PCDH15: variants seen among roughly 807,000 people sequenced by gnomAD.
The protein encoded by PCDH15 is protocadherin-15.
PCDH15 carries 129 observed loss-of-function variants against 178.5 expected under a neutral mutation model. The ratio of observed to expected loss-of-function variants is 0.72; its 90% CI spans 0.63 to 0.84. The LOEUF (loss-of-function observed/expected upper bound fraction) is 0.84. Ranked by LOEUF, PCDH15 falls within the 40% of genes least tolerant of loss-of-function variation. The probability of loss-of-function intolerance (pLI) is 0.00; values close to 1 mark genes in which losing one functional copy is unlikely to be tolerated. For missense variants in PCDH15, 2,230 were observed against 2,099.9 expected (o/e 1.06, Z -1.21); for synonymous variants, 800 against 732.0 (o/e 1.09, Z -1.50).
intron 10 of PCDH15, among the ~76,000 whole-genome samples, chr10:54,199,354 G>T (rs4504975): frequency 0.27 from 41,466 of 151,758 alleles, 6,371 homozygotes; most frequent in Non-Finnish European, 0.36. Context: ...GGCCACATAG[G>T]CTGTAAGTTA....
In PCDH15 at chr10:54,555,760, GAAAAGAA is replaced by G. The variant is rs1484991946; in HGVS notation, c.92-27890_92-27884del. 1.4e-3 allele frequency among the ~76,000 whole-genome samples: 197 copies of G among 137,958 alleles called. 3 individuals carry two copies. The highest frequency in any genetic ancestry group is 7.8e-4 in the Non-Finnish European group (49 of 62,966). The allele number at this position is 137,958 out of a possible 152,430, so 90.5% of individuals were successfully genotyped here. On this transcript the variant is annotated intron_variant, in intron 2 of 37. Coordinates refer to ENST00000644397, the MANE Select transcript of PCDH15 (RefSeq NM_001384140.1). The stretch of plus-strand genomic sequence containing the variant: ...TCAAAAAAAAAAAAAAAAAAGAAAA[GAAAAGAA>G]AAAAGAAAAAGGAAAAAAAAGAATC...
chr10:54,091,157 C>T (rs2094594587), intron 15 of PCDH15, among the ~76,000 whole-genome samples: 1 of 152,108 alleles, frequency 6.6e-6, no homozygotes, highest in Admixed American at 6.6e-5. Flanking sequence ...TCATTCGATC[C>T]TCTTATAAAA....
chr10:54,267,353 A>C (rs1252837528), intron 8 of PCDH15, among the ~76,000 whole-genome samples: 1 of 151,858 alleles, frequency 6.6e-6, no homozygotes, highest in Non-Finnish European at 1.5e-5. Flanking sequence ...AATTCTCATA[A>C]GAACAAGAAC....
chr10:53,856,752 G>A (rs942364886), intron 28 of PCDH15, among the ~76,000 whole-genome samples: 1 of 151,582 alleles, frequency 6.6e-6, no homozygotes, highest in Non-Finnish European at 1.5e-5. Context: ...ATTAGACTTT[G>A]AGAAAACAGT....
Position 54,023,094 on chromosome 10 carries a change from A to C in PCDH15, c.2324T>G (p.Val775Gly), listed in dbSNP as rs1299395005. ...GTCCCTGACTTCTCTGTTAAGCTTC[A>C]CTGCTGTGTAAATGCTCCCATTGGA... Reference protein sequence around the residue: ...ITSNGSIYTAVKLNREVRDYY... With the variant: ...ITSNGSIYTAGKLNREVRDYY... Residue 775 changes from valine to glycine, a missense_variant, in exon 19 of 38, where the codon GTG becomes GGG. By Grantham distance (109) the Val-to-Gly change is moderately radical. Transcript: ENST00000644397. The C allele has an allele frequency of 6.2e-7, 1 of 1,613,992 alleles. No homozygotes were observed.
intron 15 of PCDH15, among the ~76,000 whole-genome samples, chr10:54,123,826 A>C (rs967255320): frequency 6.6e-6 from 1 of 152,184 alleles, no homozygotes; most frequent in Non-Finnish European, 1.5e-5. Flanking sequence ...CATAGCCCTA[A>C]AAAAGGAAAT....
At chr10:54,890,008 A>C (rs1025990894) in intron 3 of PCDH15, among the ~76,000 whole-genome samples, 5 of 151,932 alleles carry the variant, frequency 3.3e-5, no homozygotes, top group Non-Finnish European at 7.4e-5. Flanking sequence ...AAATACAGAA[A>C]TATTGGGCTT....
intron 2 of PCDH15, among the ~76,000 whole-genome samples, chr10:55,438,389 A>T (rs925030822): frequency 2.6e-5 from 4 of 151,884 alleles, no homozygotes; most frequent in African/African-American, 9.7e-5. Context: ...GTAGGAAATA[A>T]GTTAAAGTAG....
intron 2 of PCDH15, among the ~76,000 whole-genome samples, chr10:55,150,512 A>T (rs1457399451): frequency 2.0e-5 from 3 of 152,122 alleles, no homozygotes; most frequent in Non-Finnish European, 4.4e-5. Context: ...TTATACAAAA[A>T]TATATTCCAC....
At chr10:55,040,738 G>GAA (rs1255133443) in intron 2 of PCDH15, among the ~76,000 whole-genome samples, 1 of 152,000 alleles carries the variant, frequency 6.6e-6, no homozygotes, top group Non-Finnish European at 1.5e-5. Context: ...TTGAGGTAAA[G>GAA]AAAATGTTTC....
chr10:54,141,287 G>A (rs1016134845), intron 14 of PCDH15, among the ~76,000 whole-genome samples: 17 of 152,000 alleles, frequency 1.1e-4, no homozygotes, highest in African/African-American at 4.1e-4. Flanking sequence ...AAGGACAGCA[G>A]CCATTTAAAT....
rs553655824 is a variant in PCDH15, at chr10:55,197,644, C to T, written c.-155-30993G>A. Among the ~76,000 whole-genome samples, 14 of 152,140 alleles carry T rather than the reference C, an allele frequency of 9.2e-5. No homozygotes were observed. In the South Asian group the frequency reaches 2.7e-3, roughly 29 times the overall value. On this transcript the variant is annotated intron_variant, in intron 1 of 5. Transcript: ENST00000458638. ...AGTGTTAGTGGCTACATAATAGAAG[C>T]AGGTGGAAATAACAAATATTTTTTA...
intron 2 of PCDH15, among the ~76,000 whole-genome samples, chr10:55,564,337 A>C (rs1019211209): frequency 6.6e-5 from 10 of 151,668 alleles, no homozygotes; most frequent in African/African-American, 1.9e-4. Flanking sequence ...TTATAATTTT[A>C]GAGTGTTGGC....
intron 3 of PCDH15, among the ~76,000 whole-genome samples, chr10:54,853,674 C>T (rs754537360): frequency 6.6e-6 from 1 of 151,436 alleles, no homozygotes; most frequent in East Asian, 1.9e-4. Flanking sequence ...TTTTTAAATG[C>T]ATTTGGCAGC....
At chr10:55,059,630 G>A (rs71492638) in intron 2 of PCDH15, among the ~76,000 whole-genome samples, 3 of 152,124 alleles carry the variant, frequency 2.0e-5, no homozygotes, top group African/African-American at 7.2e-5. Flanking sequence ...GAAGATCTTA[G>A]GAAGGCTGAA....
chr10:54,837,697 T>A (rs1342386123), intron 3 of PCDH15, among the ~76,000 whole-genome samples: 1 of 152,126 alleles, frequency 6.6e-6, no homozygotes, highest in African/African-American at 2.4e-5. Context: ...GGAGATCCCC[T>A]GCTCATACGC....
chr10:54,392,599 C>T (rs1210559156), intron 3 of PCDH15, among the ~76,000 whole-genome samples: 1 of 148,972 alleles, frequency 6.7e-6, no homozygotes, highest in Non-Finnish European at 1.5e-5. Flanking sequence ...CTATATTTTG[C>T]TCCAAAAAAA....
intron 1 of PCDH15, among the ~76,000 whole-genome samples, chr10:54,679,735 G>C (rs2094865054): frequency 6.6e-6 from 1 of 152,100 alleles, no homozygotes; most frequent in Admixed American, 6.5e-5. Context: ...AGTCTAATTA[G>C]AAAAGTTTTG....
intron 2 of PCDH15, among the ~76,000 whole-genome samples, chr10:55,615,775 G>T (rs1843460703): frequency 6.6e-6 from 1 of 152,124 alleles, no homozygotes; most frequent in Non-Finnish European, 1.5e-5. Flanking sequence ...CTGCTTGGGA[G>T]ACTCATATGA....
Sources: allele counts gnomAD v4.1 joint callset (sites outside exome capture counted in the v4.1 genomes callset), GRCh38; gene constraint gnomAD v4.1.1; transcripts MANE v1.5; gene names NCBI Gene and HGNC (gene_info 2026-07-23, HGNC 2026-07-21).